KCNIP4: variants seen among roughly 807,000 people sequenced by gnomAD.
The protein encoded by KCNIP4 is potassium voltage-gated channel interacting protein 4, also known as Kv channel-interacting protein 4.
KCNIP4 carries 12 observed loss-of-function variants against 34.0 expected under a neutral mutation model. The ratio of observed to expected loss-of-function variants is 0.35; its 90% CI spans 0.23 to 0.57. The LOEUF (loss-of-function observed/expected upper bound fraction) is 0.57, where lower values mean the gene tolerates loss of function less well. KCNIP4 is among the 20% of genes least tolerant of loss of function. The probability of loss-of-function intolerance (pLI) is 0.83; values close to 1 mark genes in which losing one functional copy is unlikely to be tolerated. For missense variants in KCNIP4, 238 were observed against 311.7 expected (o/e 0.76, Z 1.78); for synonymous variants, 124 against 102.2 (o/e 1.21, Z -1.29).
chr4:20,983,369 C>T lies in KCNIP4; in HGVS notation c.62-100660G>A, dbSNP rs77805910. Among the ~76,000 whole-genome samples the T allele has an allele frequency of 7.5e-3, 1,147 of 152,164 alleles. 15 individuals carry two copies. The highest frequency in any genetic ancestry group is 0.026 in the African/African-American group (1,067 of 41,504). On this transcript the variant is annotated intron_variant, in intron 1 of 8. Transcript: ENST00000382152. Reference sequence around the variant, plus strand: ...TTACCCATTTTATATCATAATAAACCACCCGGGTTCACCCCCACACCTCCT... The same window carrying T: ...TTACCCATTTTATATCATAATAAACTACCCGGGTTCACCCCCACACCTCCT...
chr4:21,537,722 G>A (rs1362814529), intron 1 of KCNIP4, among the ~76,000 whole-genome samples: 1 of 152,000 alleles, frequency 6.6e-6, no homozygotes, highest in African/African-American at 2.4e-5. Flanking sequence ...CTTACAAGAA[G>A]AGGGAAATTG....
At chr4:21,388,380 A>G (rs1008571640) in intron 1 of KCNIP4, among the ~76,000 whole-genome samples, 1 of 151,844 alleles carries the variant, frequency 6.6e-6, no homozygotes, top group Non-Finnish European at 1.5e-5. Context: ...AAGTGTCCCT[A>G]TTTCATAATG....
intron 1 of KCNIP4, among the ~76,000 whole-genome samples, chr4:21,442,624 T>C (rs1727590536): frequency 6.6e-6 from 1 of 152,202 alleles, no homozygotes; most frequent in South Asian, 2.1e-4. Flanking sequence ...AGCACACAAT[T>C]TCCTAATTTT....
intron 1 of KCNIP4, among the ~76,000 whole-genome samples, chr4:21,696,665 G>A (rs1712350366): frequency 6.6e-6 from 1 of 152,032 alleles, no homozygotes. Context: ...CAACAAAACT[G>A]TTGATTTAGC....
chr4:20,880,561 G>C (rs180674708), intron 2 of KCNIP4, among the ~76,000 whole-genome samples: 1 of 152,028 alleles, frequency 6.6e-6, no homozygotes, highest in Non-Finnish European at 1.5e-5. Flanking sequence ...TTATTTGGGG[G>C]CATGGCTTTA....
At chr4:21,676,838 T>G (rs1054597504) in intron 1 of KCNIP4, among the ~76,000 whole-genome samples, 1 of 152,168 alleles carries the variant, frequency 6.6e-6, no homozygotes, top group Non-Finnish European at 1.5e-5. Context: ...AGTATGTCTT[T>G]AAATATATCA....
At chr4:20,787,416 T>G (rs964220900) in intron 3 of KCNIP4, among the ~76,000 whole-genome samples, 1 of 152,186 alleles carries the variant, frequency 6.6e-6, no homozygotes, top group Non-Finnish European at 1.5e-5. Context: ...TCTGATGCTC[T>G]TTAAAGATTT....
At chr4:21,508,574 T>G (rs180782568) in intron 1 of KCNIP4, among the ~76,000 whole-genome samples, 21 of 152,348 alleles carry the variant, frequency 1.4e-4, no homozygotes, top group Non-Finnish European at 2.6e-4. Flanking sequence ...AATATTCATC[T>G]TCCCACTGTT....
At chr4:21,102,255 G>T (rs1288414838) in intron 1 of KCNIP4, among the ~76,000 whole-genome samples, 7 of 152,176 alleles carry the variant, frequency 4.6e-5, no homozygotes, top group Non-Finnish European at 1.5e-5. Flanking sequence ...ATTCAAATCA[G>T]TTGGGTGACT....
rs1553930262 is a variant in KCNIP4, at chr4:21,773,755, T to TTTTG, written c.61+174812_61+174815dup. Among the ~76,000 whole-genome samples, 489 of 137,896 alleles carry TTTTG rather than the reference T, an allele frequency of 3.5e-3. 6 individuals carry two copies. Among genetic ancestry groups the TTTTG allele is most frequent in the African/African-American group, 0.016 (462 of 29,628 alleles). 90.5% of individuals were successfully genotyped at this position (137,896 alleles called of 152,430 possible). ...CTGTTTTTTTTTGTTGTTTTTTTTTTTTTGTTTGTTTGTTTTTGTTTTGTT... is the reference window on the plus strand; with the variant it reads ...CTGTTTTTTTTTGTTGTTTTTTTTTTTTTGTTTGTTTGTTTGTTTTTGTTTTGTT... On this transcript the variant is annotated intron_variant, in intron 1 of 8. Coordinates refer to ENST00000382152, the MANE Select transcript of KCNIP4 (RefSeq NM_025221.6).
At chr4:21,929,115 A>C (rs1324664766) in intron 1 of KCNIP4, among the ~76,000 whole-genome samples, 3 of 152,148 alleles carry the variant, frequency 2.0e-5, no homozygotes, top group African/African-American at 7.2e-5. Context: ...CCATTTGTGT[A>C]AGTTTAAAAA....
At chr4:21,459,799 G>T (rs111781327) in intron 1 of KCNIP4, among the ~76,000 whole-genome samples, 140 of 152,006 alleles carry the variant, frequency 9.2e-4, no homozygotes, top group South Asian at 2.1e-3. Flanking sequence ...AGCCAGTTCT[G>T]TCAGGACTAC....
intron 1 of KCNIP4, among the ~76,000 whole-genome samples, chr4:21,920,689 A>G (rs766505448): frequency 6.6e-6 from 1 of 152,194 alleles, no homozygotes; most frequent in Non-Finnish European, 1.5e-5. Flanking sequence ...ATACTATACC[A>G]TTTTATATCA....
chr4:21,159,222 C>CTACAATTATTAATA (rs1397734339), intron 1 of KCNIP4, among the ~76,000 whole-genome samples: 1 of 151,994 alleles, frequency 6.6e-6, no homozygotes, highest in East Asian at 1.9e-4. Flanking sequence ...GATTATAAAG[C>CTACAATTATTAATA]TACAATTATT....
intron 1 of KCNIP4, among the ~76,000 whole-genome samples, chr4:20,928,475 T>C (rs1468195684): frequency 6.6e-6 from 1 of 151,804 alleles, no homozygotes; most frequent in Admixed American, 6.6e-5. Flanking sequence ...AAAACAGTTC[T>C]AGGATAAAGG....
At chr4:21,429,173 T>G (rs1577346486) in intron 1 of KCNIP4, among the ~76,000 whole-genome samples, 2 of 152,182 alleles carry the variant, frequency 1.3e-5, no homozygotes, top group East Asian at 3.8e-4. Flanking sequence ...ACCAATGAAC[T>G]TTTTACTGTC....
intron 1 of KCNIP4, among the ~76,000 whole-genome samples, chr4:21,664,125 C>T (rs956421630): frequency 2.0e-5 from 3 of 151,762 alleles, no homozygotes; most frequent in East Asian, 1.9e-4. Flanking sequence ...TTTTTTTGTA[C>T]TTGTAGTAGA....
chr4:21,292,735 A>G (rs188214689), intron 1 of KCNIP4, among the ~76,000 whole-genome samples: 5 of 152,184 alleles, frequency 3.3e-5, no homozygotes, highest in African/African-American at 4.8e-5. Flanking sequence ...GTTGGACACA[A>G]TATCTCTCAA....
At chr4:21,257,346 C>G (rs936090273) in intron 1 of KCNIP4, among the ~76,000 whole-genome samples, 4 of 152,116 alleles carry the variant, frequency 2.6e-5, no homozygotes, top group African/African-American at 9.7e-5. Flanking sequence ...GAAAGCTTGG[C>G]AAGACCAGGG....
Sources: gnomAD v4.1 joint callset for allele counts (sites outside exome capture counted in the v4.1 genomes callset) on GRCh38, gnomAD v4.1.1 for gene constraint, MANE v1.5 for transcripts, NCBI Gene and HGNC (gene_info 2026-07-23, HGNC 2026-07-21) for gene names.